Variants in PTPRZ1 observed in about 807,000 individuals in gnomAD.
PTPRZ1 encodes the protein protein tyrosine phosphatase receptor type Z1, also known as receptor-type tyrosine-protein phosphatase zeta.
Under a neutral mutation model 214.1 loss-of-function variants are expected in PTPRZ1, and 82 were observed. The observed-to-expected ratio is 0.38, with a 90% CI of 0.32 to 0.46. The LOEUF (loss-of-function observed/expected upper bound fraction) is 0.46, where lower values mean the gene tolerates loss of function less well. Among genes scored for constraint, PTPRZ1 ranks in the 20% least tolerant of loss-of-function variants. The pLI is 1.00. For missense variants in PTPRZ1, 2,603 were observed against 2,748.7 expected (o/e 0.95, Z 1.19); for synonymous variants, 945 against 987.9 (o/e 0.96, Z 0.81).
At chr7:122,050,651 T>C (rs1792152146) in intron 23 of PTPRZ1, among the ~76,000 whole-genome samples, 1 of 152,080 alleles carries the variant, frequency 6.6e-6, no homozygotes, top group Non-Finnish European at 1.5e-5. Flanking sequence ...TTACACACTA[T>C]AGATTTACAT....
rs976426567 is a variant in PTPRZ1 at position 122,035,499 on chromosome 7, C to T, written c.5285-1101C>T. Among the ~76,000 whole-genome samples the T allele has an allele frequency of 3.3e-5, 5 of 152,294 alleles. No homozygotes were observed. The East Asian group carries it at 7.7e-4, about 24-fold the overall frequency. ...TGATGAACACCTACCTACTATGTGG[C>T]TGGCACTGTAAATAAGTTATTTCAT... On this transcript the variant is annotated intron_variant, in intron 17 of 29. Coordinates refer to ENST00000393386, the MANE Select transcript of PTPRZ1 (RefSeq NM_002851.3).
intron 10 of PTPRZ1, among the ~76,000 whole-genome samples, chr7:122,004,248 T>C (rs1328254334): frequency 6.6e-6 from 1 of 152,160 alleles, no homozygotes; most frequent in Non-Finnish European, 1.5e-5. Flanking sequence ...AAGGATGAAA[T>C]AACTCTGTAC....
Position 122,012,326 on chromosome 7 carries a change from A to G in PTPRZ1, c.3280A>G (p.Ser1094Gly). ...ACAAGAAACCTCTGTTTCCATTTCT[A>G]GCACCAAGGGCATGTTTCCAGGGTC... ...SLQETSVSIS[S>G]TKGMFPGSLA... The change falls in exon 12 of 30, where the codon AGC (serine) becomes GGC (glycine). Residue 1094 changes from serine to glycine, a missense_variant. Coordinates refer to ENST00000393386, the MANE Select transcript of PTPRZ1 (RefSeq NM_002851.3). 6.2e-7 allele frequency: 1 copy of G among 1,614,074 alleles called. No homozygotes were observed. The highest frequency in any genetic ancestry group is 8.5e-7 in the Non-Finnish European group (1 of 1,179,984).
Position 122,013,386 on chromosome 7 carries a change from C to A in PTPRZ1, c.4340C>A (p.Ser1447Tyr). The stretch of plus-strand genomic sequence containing the variant: ...ATTCATAAGTGTATGTCATGCTCAT[C>A]CTATAGAGAATCACAGGAAAAGGTA... ...LSIHKCMSCS[S>Y]YRESQEKVMN... The change falls in exon 12 of 30, where the codon TCC becomes TAC. Residue 1447 changes from serine to tyrosine, a missense_variant. Physicochemically the swap from Ser to Tyr is moderately radical, Grantham distance 144 (BLOSUM62 -2). Around this residue, in one of 6 missense-constraint regions of PTPRZ1, gnomAD observed 1,913 missense variants for 1,914.3 expected, o/e 1.00. Transcript: ENST00000393386. The A allele has an allele frequency of 6.2e-7, 1 of 1,614,090 alleles. No homozygotes were observed. The highest frequency in any genetic ancestry group is 8.5e-7 in the Non-Finnish European group (1 of 1,180,002).
intron 8 of PTPRZ1, among the ~76,000 whole-genome samples, chr7:121,993,813 T>G (rs1481159602): frequency 6.6e-6 from 1 of 152,082 alleles, no homozygotes; most frequent in Non-Finnish European, 1.5e-5. Context: ...TATAGAAATA[T>G]AGGCTTTTCT....
intron 2 of PTPRZ1, among the ~76,000 whole-genome samples, chr7:121,957,262 CA>C (rs1328299399): frequency 6.6e-6 from 1 of 152,160 alleles, no homozygotes; most frequent in African/African-American, 2.4e-5. Flanking sequence ...CTCTGTGGTT[CA>C]TCCTTCACTT....
chr7:121,961,600 G>A (rs139383112), intron 2 of PTPRZ1, among the ~76,000 whole-genome samples: 306 of 152,294 alleles, frequency 2.0e-3, no homozygotes, highest in African/African-American at 7.0e-3. Context: ...GAACTCATGC[G>A]TATCCCCTGC....
At chr7:121,916,518 T>C (rs1272316596) in intron 1 of PTPRZ1, among the ~76,000 whole-genome samples, 1 of 152,136 alleles carries the variant, frequency 6.6e-6, no homozygotes, top group African/African-American at 2.4e-5. Context: ...CCAAAATAAA[T>C]AATATCTAAC....
At chr7:121,991,255 T>C (rs928477441) in intron 8 of PTPRZ1, among the ~76,000 whole-genome samples, 8 of 152,208 alleles carry the variant, frequency 5.3e-5, no homozygotes, top group Non-Finnish European at 1.2e-4. Context: ...ACTAGTATCA[T>C]TGTCATGTGT....
At chr7:122,003,887 A>T (rs1011424458) in intron 10 of PTPRZ1, among the ~76,000 whole-genome samples, 2 of 152,164 alleles carry the variant, frequency 1.3e-5, no homozygotes, top group Non-Finnish European at 2.9e-5. Context: ...ACTGAGATAT[A>T]TGTTGATTCT....
At chr7:121,965,415 T>C (rs1797018513) in intron 2 of PTPRZ1, among the ~76,000 whole-genome samples, 1 of 152,134 alleles carries the variant, frequency 6.6e-6, no homozygotes. Flanking sequence ...TTTGTTTTTG[T>C]GATTATAAGC....
intron 21 of PTPRZ1, 69 bp downstream of exon 21, chr7:122,041,048 C>T (rs1340767328): frequency 7.6e-7 from 1 of 1,316,482 alleles, no homozygotes; most frequent in African/African-American, 1.5e-5. Context: ...ATCAATGGAA[C>T]AAAGCTTTTG....
chr7:122,051,029 G>C (rs899105835), intron 23 of PTPRZ1, among the ~76,000 whole-genome samples: 6 of 152,188 alleles, frequency 3.9e-5, no homozygotes, highest in South Asian at 4.1e-4. Context: ...TAATGGAGTA[G>C]TAACAGAAGG....
chr7:121,941,228 G>A (rs1000959304), intron 2 of PTPRZ1, among the ~76,000 whole-genome samples: 8 of 152,210 alleles, frequency 5.3e-5, no homozygotes, highest in East Asian at 1.9e-4. Flanking sequence ...ATAAAGAGAC[G>A]TAGTCATTTG....
At chr7:121,883,822 C>T (rs558548524) in intron 1 of PTPRZ1, among the ~76,000 whole-genome samples, 3 of 152,252 alleles carry the variant, frequency 2.0e-5, no homozygotes, top group Admixed American at 6.5e-5. Context: ...GATGGGGTTT[C>T]TCCATATTGG....
At chr7:121,897,415 G>C (rs1794818797) in intron 1 of PTPRZ1, among the ~76,000 whole-genome samples, 1 of 152,152 alleles carries the variant, frequency 6.6e-6, no homozygotes, top group South Asian at 2.1e-4. Context: ...AGAATCTCAA[G>C]TTTTTTACAT....
rs772898949 is a variant in PTPRZ1, at chr7:122,012,374, G to A, written c.3328G>A (p.Val1110Ile). 2.5e-6 allele frequency: 4 copies of A among 1,613,844 alleles called. No homozygotes were observed. The highest frequency in any genetic ancestry group is 3.3e-5 in the Admixed American group (2 of 59,998). ...GTCCCTTGCTCATACCACCACTAAGGTTTTTGATCATGAGATTAGTCAAGT... is the reference window on the plus strand; with the variant it reads ...GTCCCTTGCTCATACCACCACTAAGATTTTTGATCATGAGATTAGTCAAGT... ...PGSLAHTTTK[V>I]FDHEISQVPE... The change falls in exon 12 of 30, where the codon GTT (valine) becomes ATT (isoleucine). Residue 1110 changes from valine to isoleucine, a missense_variant. Physicochemically the swap from Val to Ile is conservative, Grantham distance 29 (BLOSUM62 3). This residue lies in a region of PTPRZ1 where 1,913 missense variants were observed against 1,914.3 expected (regional missense o/e 1.00). Coordinates refer to ENST00000393386, the MANE Select transcript of PTPRZ1 (RefSeq NM_002851.3).
chr7:121,961,243 C>T (rs1796866743), intron 2 of PTPRZ1, among the ~76,000 whole-genome samples: 1 of 152,198 alleles, frequency 6.6e-6, no homozygotes. Context: ...TCACTGGTCT[C>T]CCCAGGCACA....
At chr7:121,908,450 T>C in intron 1 of PTPRZ1, 1 of 398,586 alleles carries the variant, frequency 2.5e-6, no homozygotes, top group Non-Finnish European at 4.8e-6. Context: ...TGTATCCAAC[T>C]TTTATATTCC....
Sources: allele counts gnomAD v4.1 joint callset (sites outside exome capture counted in the v4.1 genomes callset), GRCh38; gene constraint gnomAD v4.1.1; regional missense constraint gnomAD v4.1.1; transcripts MANE v1.5; gene names NCBI Gene and HGNC (gene_info 2026-07-23, HGNC 2026-07-21).